BBS9: variants seen among roughly 807,000 people sequenced by gnomAD.
BBS9 encodes the protein Bardet-Biedl syndrome 9, also known as protein PTHB1.
Under a neutral mutation model 117.7 loss-of-function variants are expected in BBS9, and 89 were observed. The ratio of observed to expected loss-of-function variants is 0.76; its 90% CI spans 0.64 to 0.90. The LOEUF (loss-of-function observed/expected upper bound fraction) is 0.90. Ranked by LOEUF, BBS9 falls within the 40% of genes least tolerant of loss-of-function variation. The pLI is 0.00. For missense variants in BBS9, 982 were observed against 1,042.2 expected (o/e 0.94, Z 0.80); for synonymous variants, 379 against 370.9 (o/e 1.02, Z -0.25).
At chr7:33,620,373 T>A (rs920581422) in intron 21 of BBS9, among the ~76,000 whole-genome samples, 7 of 152,034 alleles carry the variant, frequency 4.6e-5, no homozygotes, top group African/African-American at 1.7e-4. Flanking sequence ...TTAAGACTCC[T>A]TTTAAAAACT....
intron 9 of BBS9, among the ~76,000 whole-genome samples, chr7:33,335,689 G>A (rs1815205181): frequency 6.6e-6 from 1 of 152,072 alleles, no homozygotes; most frequent in Non-Finnish European, 1.5e-5. Flanking sequence ...TAAGAGAGAA[G>A]GAAGAGTGAA....
chr7:33,578,958 C>T (rs192353402), intron 21 of BBS9, among the ~76,000 whole-genome samples: 2 of 152,132 alleles, frequency 1.3e-5, no homozygotes, highest in Non-Finnish European at 2.9e-5. Flanking sequence ...AGTACCAGAA[C>T]ATGAAAATCC....
At position 33,426,585 on chromosome 7, in the gene BBS9, T is replaced by C. The variant is rs547205050; in HGVS notation, c.2115+38441T>C. ...ATAGATGTTCTGTAAAAAATGGGTT[T>C]TGAAGCACTGCATTCTGTGTCCTTC... On this transcript the variant is annotated intron_variant, in intron 19 of 22. Coordinates refer to ENST00000242067, the MANE Select transcript of BBS9 (RefSeq NM_198428.3). 2.0e-5 allele frequency among the ~76,000 whole-genome samples: 3 copies of C among 152,296 alleles called. No individual in the cohort carries two copies. In the South Asian group the frequency reaches 6.2e-4, roughly 32 times the overall value.
At chr7:33,599,336 C>G (rs145035059) in intron 21 of BBS9, among the ~76,000 whole-genome samples, 3,156 of 152,204 alleles carry the variant, frequency 0.021, 68 homozygotes, top group South Asian at 0.1. Context: ...TGTTTGAAAC[C>G]TACCCTGCCT....
chr7:33,484,247 T>A (rs1329040865), intron 19 of BBS9, among the ~76,000 whole-genome samples: 1 of 152,190 alleles, frequency 6.6e-6, no homozygotes, highest in African/African-American at 2.4e-5. Flanking sequence ...CAAAAAAGGT[T>A]ACATCAAAGT....
intron 19 of BBS9, among the ~76,000 whole-genome samples, chr7:33,493,961 A>G (rs1222243069): frequency 6.6e-6 from 1 of 152,220 alleles, no homozygotes; most frequent in African/African-American, 2.4e-5. Context: ...TCATTAATCA[A>G]AATCCATTTC....
intron 4 of BBS9, among the ~76,000 whole-genome samples, chr7:33,160,420 G>A (rs1157602183): frequency 1.3e-5 from 2 of 152,152 alleles, no homozygotes; most frequent in Non-Finnish European, 2.9e-5. Flanking sequence ...GAGGCATAAG[G>A]TATTCCATGT....
chr7:33,476,362 A>G (rs1172451443), intron 19 of BBS9, among the ~76,000 whole-genome samples: 4 of 152,116 alleles, frequency 2.6e-5, no homozygotes, highest in East Asian at 1.9e-4. Flanking sequence ...GCTCTGCTCT[A>G]TATCTTAGAG....
intron 20 of BBS9, among the ~76,000 whole-genome samples, chr7:33,515,351 C>G (rs778413042): frequency 5.3e-5 from 8 of 150,380 alleles, no homozygotes; most frequent in African/African-American, 7.6e-5. Context: ...AGTCATTAAA[C>G]TACAGCTCAT....
chr7:33,223,223 T>C (rs1254839163), intron 5 of BBS9, among the ~76,000 whole-genome samples: 1 of 152,192 alleles, frequency 6.6e-6, no homozygotes, highest in African/African-American at 2.4e-5. Flanking sequence ...CAGGATGTAT[T>C]GATATATGTA....
At chr7:33,576,842 G>T (rs1858980672) in intron 21 of BBS9, among the ~76,000 whole-genome samples, 1 of 152,102 alleles carries the variant, frequency 6.6e-6, no homozygotes, top group Admixed American at 6.5e-5. Flanking sequence ...GGGAAAACTG[G>T]CTAGCCATAT....
chr7:33,159,106 G>T (rs1794482018), intron 4 of BBS9, among the ~76,000 whole-genome samples: 1 of 152,114 alleles, frequency 6.6e-6, no homozygotes, highest in Non-Finnish European at 1.5e-5. Flanking sequence ...CTCCATTTAG[G>T]TTATAGTTCA....
intron 19 of BBS9, among the ~76,000 whole-genome samples, chr7:33,425,974 A>C (rs1833600323): frequency 6.6e-6 from 1 of 152,210 alleles, no homozygotes; most frequent in Non-Finnish European, 1.5e-5. Flanking sequence ...AAATAAAACC[A>C]AAAGGAAGGC....
intron 5 of BBS9, among the ~76,000 whole-genome samples, chr7:33,207,099 A>G (rs1441486601): frequency 6.6e-6 from 1 of 152,134 alleles, no homozygotes; most frequent in Non-Finnish European, 1.5e-5. Flanking sequence ...ATCCTCATTA[A>G]TGATTAATTT....
In BBS9 at chr7:33,623,760, A is replaced by T. The variant is rs574528809; in HGVS notation, c.2522-11417A>T. Among the ~76,000 whole-genome samples the T allele has an allele frequency of 2.5e-3, 383 of 152,332 alleles. 1 individual carries two copies. The highest frequency in any genetic ancestry group is 8.9e-3 in the African/African-American group (369 of 41,580). On this transcript the variant is annotated intron_variant, in intron 21 of 21. Coordinates refer to the BBS9 transcript ENST00000671952. ...CAGAAGCAAATTATAGAATGTATATATTACGATTCTGTTTATGAAAGTCTG... is the reference window on the plus strand; with the variant it reads ...CAGAAGCAAATTATAGAATGTATATTTTACGATTCTGTTTATGAAAGTCTG...
intron 20 of BBS9, among the ~76,000 whole-genome samples, chr7:33,527,720 C>G (rs772509111): frequency 2.0e-5 from 3 of 152,230 alleles, no homozygotes; most frequent in South Asian, 2.1e-4. Flanking sequence ...GCGTCGCTCA[C>G]GCTGGGAGCT....
downstream of BBS9, among the ~76,000 whole-genome samples, chr7:33,608,556 T>G (rs1469929994): frequency 6.6e-6 from 1 of 152,134 alleles, no homozygotes; most frequent in African/African-American, 2.4e-5. Context: ...TTTTTTGACT[T>G]GTTAATAATA....
intron 5 of BBS9, among the ~76,000 whole-genome samples, chr7:33,193,391 G>A (rs1022112743): frequency 4.1e-5 from 6 of 145,318 alleles, no homozygotes; most frequent in Non-Finnish European, 6.0e-5. Flanking sequence ...TCTGTCTTTC[G>A]CATATTGTCT....
chr7:33,601,015 GGGGTAACATTGTA>G (rs1324165004), intron 21 of BBS9, among the ~76,000 whole-genome samples: 1 of 152,164 alleles, frequency 6.6e-6, no homozygotes, highest in Non-Finnish European at 1.5e-5. Context: ...AAAATGATCT[GGGGTAACATTGTA>G]GGAAAAGGGG....
Sources: gnomAD v4.1 joint callset for allele counts (sites outside exome capture counted in the v4.1 genomes callset) on GRCh38, gnomAD v4.1.1 for gene constraint, MANE v1.5 for transcripts, NCBI Gene and HGNC (gene_info 2026-07-23, HGNC 2026-07-21) for gene names.